The following STARD13 variants were observed in gnomAD, a reference collection of about 807,000 sequenced individuals.
The protein encoded by STARD13 is stAR-related lipid transfer protein 13.
In STARD13, 62 loss-of-function variants were observed where a neutral mutation model predicts 106.4. The observed-to-expected ratio is 0.58, with a 90% CI of 0.48 to 0.72. STARD13 has a LOEUF of 0.72. Ranked by LOEUF, STARD13 falls within the 30% of genes least tolerant of loss-of-function variation. STARD13 has a pLI of 0.00. For missense variants in STARD13, 1,387 were observed against 1,424.0 expected (o/e 0.97, Z 0.42); for synonymous variants, 565 against 553.0 (o/e 1.02, Z -0.31).
chr13:33,611,441 G>A, the STARD13 span: 1 of 152,218 alleles, frequency 6.6e-6, no homozygotes, highest in African/African-American at 2.4e-5. Flanking sequence ...ATTTATGGAA[G>A]TCAATTCTTC....
At chr13:33,663,827 A>G in the STARD13 span, among the ~76,000 whole-genome samples, 3 of 152,208 alleles carry the variant, frequency 2.0e-5, no homozygotes, top group Admixed American at 6.5e-5. Flanking sequence ...CTTCTCCAAC[A>G]GGAAAACAAG....
chr13:33,377,617 G>A, the STARD13 span, among the ~76,000 whole-genome samples: 2 of 130,040 alleles, frequency 1.5e-5, no homozygotes, highest in African/African-American at 3.0e-5. Context: ...ATCTCCCCCA[G>A]GACACACACA....
At chr13:33,486,724 C>A in the STARD13 span, among the ~76,000 whole-genome samples, 1 of 152,198 alleles carries the variant, frequency 6.6e-6, no homozygotes, top group African/African-American at 2.4e-5. Context: ...TCTCCCCTAA[C>A]AACTCCTCTT....
the STARD13 span, among the ~76,000 whole-genome samples, chr13:33,502,833 G>T: frequency 2.6e-5 from 4 of 152,140 alleles, no homozygotes; most frequent in Non-Finnish European, 5.9e-5. Context: ...AGGGATATTT[G>T]TCTAAAATTC....
chr13:33,669,996 AC>A, the STARD13 span, among the ~76,000 whole-genome samples: 1 of 152,146 alleles, frequency 6.6e-6, no homozygotes, highest in East Asian at 1.9e-4. Flanking sequence ...CTCCATATTT[AC>A]CCACAAATGC....
At chr13:33,238,778 A>G (rs546700684) in intron 1 of STARD13, among the ~76,000 whole-genome samples, 2 of 152,252 alleles carry the variant, frequency 1.3e-5, no homozygotes, top group South Asian at 2.1e-4. Context: ...TAATGAGTCA[A>G]GTGCTTTATA....
chr13:33,539,620 A>G, the STARD13 span, among the ~76,000 whole-genome samples: 1 of 152,252 alleles, frequency 6.6e-6, no homozygotes, highest in Non-Finnish European at 1.5e-5. Context: ...AGGTAATTCA[A>G]TGAAGGATAA....
intron 4 of STARD13, among the ~76,000 whole-genome samples, chr13:33,134,062 C>A (rs1878720942): frequency 6.6e-6 from 1 of 152,194 alleles, no homozygotes; most frequent in Non-Finnish European, 1.5e-5. Context: ...TAACTTTATT[C>A]TCCTGTCTCA....
the STARD13 span, among the ~76,000 whole-genome samples, chr13:33,530,119 G>GTTT: frequency 1.5e-4 from 21 of 143,734 alleles, no homozygotes; most frequent in African/African-American, 5.1e-4. Context: ...CTCTACTCAT[G>GTTT]TTTTTTTTTT....
At chr13:33,674,069 A>G in the STARD13 span, among the ~76,000 whole-genome samples, 2 of 151,886 alleles carry the variant, frequency 1.3e-5, no homozygotes, top group African/African-American at 4.8e-5. Flanking sequence ...CATGTTGGCC[A>G]GGCTGGTCTC....
chr13:33,253,909 C>T (rs1288529657), intron 1 of STARD13, among the ~76,000 whole-genome samples: 1 of 152,220 alleles, frequency 6.6e-6, no homozygotes, highest in East Asian at 1.9e-4. Context: ...GGTTTTTCAA[C>T]AGGCCTGCCA....
chr13:33,455,859 A>G, the STARD13 span, among the ~76,000 whole-genome samples: 2 of 152,072 alleles, frequency 1.3e-5, no homozygotes, highest in Non-Finnish European at 2.9e-5. Context: ...CAGGGGAATC[A>G]CTTGAACCTG....
the STARD13 span, among the ~76,000 whole-genome samples, chr13:33,659,436 A>G: frequency 0.86 from 131,353 of 152,108 alleles, 57,441 homozygotes; most frequent in South Asian, 0.96. Flanking sequence ...GGATGGTCTC[A>G]ATCTCCTGAC....
At chr13:33,496,152 G>T in the STARD13 span, among the ~76,000 whole-genome samples, 1 of 70,518 alleles carries the variant, frequency 1.4e-5, no homozygotes, top group Non-Finnish European at 4.1e-5. Context: ...TTTAATTTAT[G>T]ATTTTATAAT....
the STARD13 span, among the ~76,000 whole-genome samples, chr13:33,580,491 G>T: frequency 4.6e-5 from 7 of 152,020 alleles, no homozygotes; most frequent in Non-Finnish European, 1.0e-4. Flanking sequence ...TAATATATTT[G>T]TCAAAACCCA....
chr13:33,499,114 G>A, the STARD13 span, among the ~76,000 whole-genome samples: 1 of 152,076 alleles, frequency 6.6e-6, no homozygotes, highest in East Asian at 1.9e-4. Flanking sequence ...CTCCAGCCTG[G>A]GCAGCAGAGT....
the STARD13 span, among the ~76,000 whole-genome samples, chr13:33,494,539 C>T: frequency 6.6e-6 from 1 of 152,074 alleles, no homozygotes; most frequent in Non-Finnish European, 1.5e-5. Flanking sequence ...TGCTCTACCT[C>T]CCCCACCTTT....
intron 8 of STARD13, 130 bp from the exon 9 acceptor site, chr13:33,113,061 A>C: frequency 1.6e-6 from 1 of 638,280 alleles, no homozygotes; most frequent in Non-Finnish European, 2.6e-6. Flanking sequence ...AACAACCAGA[A>C]CAGCAGGAAA....
chr13:33,151,987 G>A (rs1354616753), intron 3 of STARD13, among the ~76,000 whole-genome samples: 3 of 152,110 alleles, frequency 2.0e-5, no homozygotes, highest in African/African-American at 7.3e-5. Flanking sequence ...CAGGGAAATA[G>A]GGAAGTTGAC....
Sources: allele counts gnomAD v4.1 joint callset (sites outside exome capture counted in the v4.1 genomes callset), GRCh38; gene constraint gnomAD v4.1.1; transcripts MANE v1.5; gene names NCBI Gene and HGNC (gene_info 2026-07-23, HGNC 2026-07-21).